The following VAV2 variants were observed in gnomAD, a reference collection of about 807,000 sequenced individuals.
The protein encoded by VAV2 is guanine nucleotide exchange factor VAV2.
Under a neutral mutation model 132.5 loss-of-function variants are expected in VAV2, and 67 were observed. The ratio of observed to expected loss-of-function variants is 0.51; its 90% CI spans 0.42 to 0.62. The LOEUF is 0.62. Ranked by LOEUF, VAV2 falls within the 20% of genes least tolerant of loss-of-function variation. The pLI, the probability that VAV2 is intolerant of heterozygous loss-of-function variation, is 0.00. For synonymous variants in VAV2, 492 were observed against 443.5 expected (o/e 1.11, Z -1.37); for missense variants, 938 against 1,153.6 (o/e 0.81, Z 2.71).
Position 133,857,997 on chromosome 9 carries a change from T to C in VAV2, c.380+3377A>G, listed in dbSNP as rs1837449698. On this transcript the variant is annotated intron_variant, in intron 3 of 29. Coordinates refer to ENST00000371850, the MANE Select transcript of VAV2 (RefSeq NM_001134398.2). This position sits in a 1 kb window ranked among gnomAD's most constrained non-coding sequence, Gnocchi z 4.0. ...TTGGCCTGCAAACACCTCCCCTTCG[T>C]CTCTCATGTCTGCCTATCCTGTGTG... Among the ~76,000 whole-genome samples, 1 of 152,164 alleles carries C rather than the reference T, an allele frequency of 6.6e-6. No individual in the cohort carries two copies. The highest frequency in any genetic ancestry group is 2.4e-5 in the African/African-American group (1 of 41,442).
intron 1 of VAV2, among the ~76,000 whole-genome samples, chr9:133,974,060 G>C (rs761496410): frequency 4.6e-5 from 7 of 152,084 alleles, no homozygotes; most frequent in African/African-American, 1.4e-4. Flanking sequence ...GCACTGTCAC[G>C]CAGGGCTCAG....
At chr9:133,904,875 T>A (rs1839583670) in intron 2 of VAV2, among the ~76,000 whole-genome samples, 1 of 152,198 alleles carries the variant, frequency 6.6e-6, no homozygotes, top group African/African-American at 2.4e-5. Flanking sequence ...TAAATGATGG[T>A]GTTTTTGGCC....
intron 3 of VAV2, among the ~76,000 whole-genome samples, chr9:133,854,315 A>C (rs1475402505): frequency 3.3e-5 from 5 of 152,010 alleles, no homozygotes; most frequent in African/African-American, 4.8e-5. Flanking sequence ...CTGCACACAC[A>C]CCCCCATGTG....
At chr9:133,861,545 C>G (rs1837597270) in intron 2 of VAV2, 113 bp from the exon 3 acceptor site, 3 of 1,164,128 alleles carry the variant, frequency 2.6e-6, no homozygotes, top group Non-Finnish European at 3.6e-6. Context: ...GAGCACATCG[C>G]ATCTGGGTAA....
At chr9:133,810,657 A>G (rs1248199382) in intron 5 of VAV2, among the ~76,000 whole-genome samples, 1 of 152,194 alleles carries the variant, frequency 6.6e-6, no homozygotes, top group Admixed American at 6.5e-5. Context: ...GCAGAGCGGG[A>G]CATAGGCAGC....
intron 13 of VAV2, 135 bp from the exon 14 acceptor site, chr9:133,789,478 CCT>C: frequency 1.3e-6 from 1 of 766,356 alleles, no homozygotes; most frequent in Non-Finnish European, 2.2e-6. Flanking sequence ...GGAAACAGCC[CCT>C]GTGGCTCCCA....
Position 133,912,196 on chromosome 9 carries a change from A to G in VAV2, c.321+26907T>C, listed in dbSNP as rs764977714. Reference sequence around the variant, plus strand: ...GCTGCGGCTACAGTCCCGGCCTCCAACACACGTGGGAGAAGGGCTGACAAC... The same window carrying G: ...GCTGCGGCTACAGTCCCGGCCTCCAGCACACGTGGGAGAAGGGCTGACAAC... On this transcript the variant is annotated intron_variant, in intron 2 of 29. Transcript: ENST00000371850. The surrounding 1 kb of genome is among the most constrained non-coding windows in gnomAD (Gnocchi z 4.3). Among the ~76,000 whole-genome samples, 6 of 152,188 alleles carry G rather than the reference A, an allele frequency of 3.9e-5. No individual in the cohort carries two copies. The highest frequency in any genetic ancestry group is 7.3e-5 in the Non-Finnish European group (5 of 68,034).
At chr9:133,908,816 G>A (rs1036232378) in intron 2 of VAV2, among the ~76,000 whole-genome samples, 10 of 152,244 alleles carry the variant, frequency 6.6e-5, no homozygotes, top group African/African-American at 2.2e-4. Context: ...ACTTCCAACC[G>A]CTTGCCTGGT....
chr9:133,763,784 G>T lies in VAV2; in HGVS notation c.*278C>A. 2.1e-6 allele frequency: 1 copy of T among 468,054 alleles called. No individual in the cohort carries two copies. The highest frequency in any genetic ancestry group is 3.9e-6 in the Non-Finnish European group (1 of 254,316). 29.0% of individuals were successfully genotyped at this position (468,054 alleles called of 1,614,324 possible). On this transcript the variant is annotated 3_prime_UTR_variant, in exon 30 of 30. Coordinates refer to ENST00000371850, the MANE Select transcript of VAV2 (RefSeq NM_001134398.2). This position sits in a 1 kb window ranked among gnomAD's most constrained non-coding sequence, Gnocchi z 6.8. ...GGCCTCAGCCACTACCCAGAGCCTG[G>T]CTCGCAGCGCTGTCGGTGCCCCCTC... is the stretch of plus-strand genomic sequence containing the variant.
intron 1 of VAV2, among the ~76,000 whole-genome samples, chr9:133,988,484 C>T (rs1187237960): frequency 6.6e-6 from 1 of 152,162 alleles, no homozygotes; most frequent in Non-Finnish European, 1.5e-5. Context: ...GACGGCCTCA[C>T]CTATTAAACA....
At chr9:133,787,160 C>T in intron 16 of VAV2, 86 bp downstream of exon 16, 2 of 1,418,506 alleles carry the variant, frequency 1.4e-6, no homozygotes, top group South Asian at 1.7e-5. Context: ...CCTCAGGCCC[C>T]TGGGTCCCCT....
In VAV2 at chr9:133,778,727, G is replaced by A. The variant is rs201106631; in HGVS notation, c.1890+35C>T. The A allele has an allele frequency of 1.4e-4, 231 of 1,607,080 alleles. 2 individuals are homozygous for A. Among genetic ancestry groups the A allele is most frequent in the Admixed American group, 9.5e-4 (57 of 59,720 alleles). On this transcript the variant is annotated intron_variant, in intron 22 of 29. Transcript: ENST00000371850. Reference sequence around the variant, plus strand: ...CAGGGAGCAGGGAGGAGCTGGAGCCGGGGACCCTCGACCCTCCCGGGCCCC... The same window carrying A: ...CAGGGAGCAGGGAGGAGCTGGAGCCAGGGACCCTCGACCCTCCCGGGCCCC...
intron 2 of VAV2, among the ~76,000 whole-genome samples, chr9:133,909,131 G>A (rs574788831): frequency 6.6e-6 from 1 of 152,380 alleles, no homozygotes; most frequent in African/African-American, 2.4e-5. Flanking sequence ...GGCTGGCCCA[G>A]CCTGGCAGAG....
At position 133,991,640 on chromosome 9, in the gene VAV2, G is replaced by A. The variant is rs1483477206; in HGVS notation, c.204+435C>T. Among the ~76,000 whole-genome samples the A allele has an allele frequency of 6.6e-6, 1 of 151,374 alleles. No individual in the cohort carries two copies. The highest frequency in any genetic ancestry group is 1.5e-5 in the Non-Finnish European group (1 of 67,806). On this transcript the variant is annotated intron_variant, in intron 1 of 29. Coordinates refer to ENST00000371850, the MANE Select transcript of VAV2 (RefSeq NM_001134398.2). This position sits in a 1 kb window ranked among gnomAD's most constrained non-coding sequence, Gnocchi z 4.8. ...TCCAGCCGCGCCCCGGGCCGGCGCA[G>A]CGACCGCGCCCGCTCTTCCACCGGC... is the stretch of plus-strand genomic sequence containing the variant.
rs762839518 is a variant in VAV2 at position 133,796,460 on chromosome 9, T to C, written c.1001A>G (p.Gln334Arg). The change falls in exon 11 of 30, where the codon CAG becomes CGG. Residue 334 changes from glutamine to arginine, a missense_variant. Gln to Arg is a conservative substitution (Grantham distance 43). Coordinates refer to ENST00000371850, the MANE Select transcript of VAV2 (RefSeq NM_001134398.2). ...KLQDLLVVPM[Q>R]RVLKYHLLLK... is the part of the protein sequence containing the mutation. The stretch of plus-strand genomic sequence containing the variant: ...GAGCAGGTGGTATTTGAGCACCCTC[T>C]GCATGGGGACCACCAGCAGGTCTTG... 2 of 1,613,874 alleles carry C rather than the reference T, an allele frequency of 1.2e-6. No individual in the cohort carries two copies. Among genetic ancestry groups the C allele is most frequent in the South Asian group, 1.1e-5 (1 of 90,994 alleles).
intron 1 of VAV2, among the ~76,000 whole-genome samples, chr9:133,949,312 A>G (rs918620821): frequency 4.6e-5 from 7 of 152,000 alleles, no homozygotes; most frequent in African/African-American, 1.7e-4. Flanking sequence ...GTGCCTTCCA[A>G]CACTTTCCAC....
intron 1 of VAV2, among the ~76,000 whole-genome samples, chr9:133,945,366 A>C (rs1050181867): frequency 1.3e-5 from 2 of 152,358 alleles, no homozygotes; most frequent in East Asian, 3.9e-4. Context: ...ACCAAGGCTT[A>C]GGAATGGGGC....
At chr9:133,790,681 C>A (rs923876517) in intron 13 of VAV2, among the ~76,000 whole-genome samples, 2 of 152,166 alleles carry the variant, frequency 1.3e-5, no homozygotes, top group South Asian at 2.1e-4. Flanking sequence ...ATTTTAATTT[C>A]TTTCTAAAAT....
rs368784512 is a variant in VAV2, at chr9:133,786,686, C to A, written c.1422+560G>T. Among the ~76,000 whole-genome samples the A allele has an allele frequency of 1.2e-4, 19 of 152,348 alleles. 1 individual carries two copies. In the East Asian group the frequency reaches 1.4e-3, roughly 11 times the overall value. Reference sequence around the variant, plus strand: ...CGTGAAGCCATCCCCGACTGAGCAACCCACAACTGCCCCCTTCCCTGCCTC... The same window carrying A: ...CGTGAAGCCATCCCCGACTGAGCAAACCACAACTGCCCCCTTCCCTGCCTC... On this transcript the variant is annotated intron_variant, in intron 16 of 29. Coordinates refer to ENST00000371850, the MANE Select transcript of VAV2 (RefSeq NM_001134398.2).
Sources: gnomAD v4.1 joint callset for allele counts (sites outside exome capture counted in the v4.1 genomes callset) on GRCh38, gnomAD v4.1.1 for gene constraint, Gnocchi (gnomAD v3.1) non-coding constraint, MANE v1.5 for transcripts, NCBI Gene and HGNC (gene_info 2026-07-23, HGNC 2026-07-21) for gene names.